PBRM1: variants seen among roughly 807,000 people sequenced by gnomAD.
PBRM1 encodes protein polybromo-1.
A neutral mutation model predicts 194.5 loss-of-function variants in PBRM1; 27 were observed. The ratio of observed to expected loss-of-function variants is 0.14; its 90% CI spans 0.10 to 0.19. The LOEUF is 0.19. Ranked by LOEUF, PBRM1 falls within the 10% of genes least tolerant of loss-of-function variation. The pLI is 1.00. For synonymous variants in PBRM1, 655 were observed against 693.2 expected (o/e 0.94, Z 0.87); for missense variants, 1,466 against 2,077.2 (o/e 0.71, Z 5.72).
intron 29 of PBRM1, 45 bp downstream of exon 31, chr3:52,550,376 G>T: frequency 9.6e-7 from 1 of 1,040,984 alleles, no homozygotes; most frequent in Non-Finnish European, 1.3e-6. Context: ...AGACAGCTTT[G>T]AGGAAGCATG....
rs1358898245 is a variant in PBRM1, at chr3:52,572,823, C to A, written c.3691+3718G>T. Among the ~76,000 whole-genome samples, 5 of 144,502 alleles carry A rather than the reference C, an allele frequency of 3.5e-5. No homozygotes were observed. In the South Asian group the frequency reaches 1.1e-3, roughly 31 times the overall value. The allele number at this position is 144,502 out of a possible 152,430, so 94.8% of individuals were successfully genotyped here. A position where few individuals can be genotyped will look rare whatever the true frequency, so the allele number is the denominator to read the frequency against. The stretch of plus-strand genomic sequence containing the variant: ...CTAATTATCTTCAAAACTTCTATTT[C>A]AGAGACACAAAAAAGTGCAAAATAT... On this transcript the variant is annotated intron_variant, in intron 22 of 29. Transcript: ENST00000296302.
intron 2 of PBRM1, among the ~76,000 whole-genome samples, chr3:52,672,314 C>T (rs780877858): frequency 1.1e-4 from 16 of 152,008 alleles, no homozygotes; most frequent in Non-Finnish European, 1.2e-4. Context: ...CCAGGATAAC[C>T]GCTCCAATTC....
chr3:52,610,157 G>A (rs1166445995), intron 15 of PBRM1, among the ~76,000 whole-genome samples: 3 of 152,112 alleles, frequency 2.0e-5, no homozygotes, highest in Non-Finnish European at 4.4e-5. Context: ...TTTGATGGGA[G>A]ACTACTGTAA....
chr3:52,594,726 T>C (rs2093405422), intron 17 of PBRM1, among the ~76,000 whole-genome samples: 1 of 152,234 alleles, frequency 6.6e-6, no homozygotes, highest in Non-Finnish European at 1.5e-5. Context: ...CCTTTTCATA[T>C]TTAGTGCTTC....
intron 6 of PBRM1, 142 bp from the exon 8 acceptor site, chr3:52,648,584 A>C: frequency 2.3e-6 from 1 of 439,988 alleles, no homozygotes; most frequent in Non-Finnish European, 4.0e-6. Context: ...CAACATGTAA[A>C]GTCATTTTCT....
intron 10 of PBRM1, among the ~76,000 whole-genome samples, chr3:52,637,773 CAAAAAAAAAAA>C (rs755241328): frequency 4.7e-5 from 2 of 42,236 alleles, no homozygotes; most frequent in African/African-American, 6.6e-5. Context: ...ACTAAAAATA[CAAAAAAAAAAA>C]AAAAAAAAAA....
At chr3:52,669,997 C>T (rs1168828118) in intron 2 of PBRM1, among the ~76,000 whole-genome samples, 1 of 152,182 alleles carries the variant, frequency 6.6e-6, no homozygotes, top group African/African-American at 2.4e-5. Context: ...GGAACCTTCT[C>T]ACAGCACACA....
At chr3:52,636,065 G>C (rs2095797838) in intron 10 of PBRM1, among the ~76,000 whole-genome samples, 1 of 151,868 alleles carries the variant, frequency 6.6e-6, no homozygotes, top group Non-Finnish European at 1.5e-5. Context: ...TAGAGATGGG[G>C]TTTCACCATA....
At position 52,641,891 on chromosome 3, in the gene PBRM1, A is replaced by C. The variant is rs149958895; in HGVS notation, c.1087+63T>G. The C allele has an allele frequency of 7.2e-4, 708 of 989,534 alleles. 6 individuals are homozygous for C. In the East Asian group the frequency reaches 0.016, roughly 22 times the overall value. The allele number at this position is 989,534 out of a possible 1,614,324, so 61.3% of individuals were successfully genotyped here. The stretch of plus-strand genomic sequence containing the variant: ...ACCCTAGGCCAGAAAAAATCACTGC[A>C]ATTTCATTTAGCTAGAAGGATCCAC... On this transcript the variant is annotated intron_variant, in intron 10 of 29. Transcript: ENST00000296302.
intron 11 of PBRM1, among the ~76,000 whole-genome samples, chr3:52,631,019 A>C (rs1188644281): frequency 1.3e-5 from 2 of 152,248 alleles, no homozygotes; most frequent in Non-Finnish European, 2.9e-5. Flanking sequence ...ATCTTTTCCC[A>C]ACGCAAAGAA....
chr3:52,656,463 A>G (rs965632835), intron 5 of PBRM1, among the ~76,000 whole-genome samples: 3 of 152,176 alleles, frequency 2.0e-5, no homozygotes, highest in Admixed American at 6.5e-5. Flanking sequence ...CAGGAGTTTA[A>G]GATCAGCCTG....
At position 52,550,730 on chromosome 3, in the gene PBRM1, C is replaced by G; in HGVS notation, c.4680+17G>C. The G allele has an allele frequency of 1.9e-6, 3 of 1,604,936 alleles. No individual in the cohort carries two copies. Among genetic ancestry groups the G allele is most frequent in the Non-Finnish European group, 2.6e-6 (3 of 1,173,126 alleles). Reference sequence around the variant, plus strand: ...CGAATTCTGTCAAGTCCTAGAAAATCAAACTGGGAGGCTCACCTGTTGTCC... The same window carrying G: ...CGAATTCTGTCAAGTCCTAGAAAATGAAACTGGGAGGCTCACCTGTTGTCC... On this transcript the variant is annotated intron_variant, in intron 28 of 29. Transcript: ENST00000296302.
At chr3:52,575,365 A>G (rs2089163704) in intron 22 of PBRM1, among the ~76,000 whole-genome samples, 1 of 152,116 alleles carries the variant, frequency 6.6e-6, no homozygotes, top group Non-Finnish European at 1.5e-5. Context: ...ACCCAAAATG[A>G]GCACTTTTCA....
chr3:52,592,019 G>C (rs1276965584), intron 17 of PBRM1, among the ~76,000 whole-genome samples: 1 of 149,924 alleles, frequency 6.7e-6, no homozygotes, highest in Admixed American at 6.7e-5. Context: ...TAGAGATGGG[G>C]TTTCACCATC....
chr3:52,571,215 C>T (rs546619211), intron 22 of PBRM1, among the ~76,000 whole-genome samples: 4 of 150,790 alleles, frequency 2.7e-5, no homozygotes, highest in Admixed American at 1.3e-4. Flanking sequence ...CCCAGCTGCT[C>T]GGGAGGCTGA....
intron 2 of PBRM1, among the ~76,000 whole-genome samples, chr3:52,675,437 T>A (rs774902192): frequency 1.3e-5 from 2 of 152,240 alleles, no homozygotes; most frequent in Non-Finnish European, 2.9e-5. Flanking sequence ...ATATCCCTTA[T>A]GAATACTGAT....
rs2094635693 is a variant in PBRM1 at position 52,611,925 on chromosome 3, G to A, written c.1925-1970C>T. On this transcript the variant is annotated intron_variant, in intron 15 of 29. Coordinates refer to ENST00000296302, the Ensembl canonical transcript of PBRM1. ...AATTTCTTCAACAGATAAATGGTAA[G>A]GGGTGGAAAAAGAGAGAGCTGGAGG... is the stretch of plus-strand genomic sequence containing the variant. Among the ~76,000 whole-genome samples, 3 of 152,048 alleles carry A rather than the reference G, an allele frequency of 2.0e-5. No homozygotes were observed. In the South Asian group the frequency reaches 6.2e-4, roughly 32 times the overall value.
At chr3:52,607,709 T>A (rs1324410318) in intron 16 of PBRM1, among the ~76,000 whole-genome samples, 1 of 152,204 alleles carries the variant, frequency 6.6e-6, no homozygotes, top group Non-Finnish European at 1.5e-5. Flanking sequence ...ACTGGTGTAT[T>A]ACATGCATCT....
intron 15 of PBRM1, among the ~76,000 whole-genome samples, chr3:52,613,337 G>GTT (rs577658031): frequency 1.4e-3 from 193 of 140,152 alleles, no homozygotes; most frequent in African/African-American, 4.2e-3. Flanking sequence ...GGACTATTCT[G>GTT]TTTTTTTTTT....
Sources: allele counts gnomAD v4.1 joint callset (sites outside exome capture counted in the v4.1 genomes callset), GRCh38; gene constraint gnomAD v4.1.1; transcripts MANE v1.5; gene names NCBI Gene and HGNC (gene_info 2026-07-23, HGNC 2026-07-21).